TRPM6: variants seen among roughly 807,000 people sequenced by gnomAD.
The protein encoded by TRPM6 is channel kinase 2.
TRPM6 carries 111 observed loss-of-function variants against 247.6 expected under a neutral mutation model. The observed-to-expected ratio is 0.45, with a 90% CI of 0.38 to 0.52. The LOEUF is 0.52. TRPM6 is among the 20% of genes least tolerant of loss of function. TRPM6 has a pLI of 0.00. For synonymous variants in TRPM6, 892 were observed against 853.8 expected (o/e 1.04, Z -0.78); for missense variants, 2,126 against 2,421.5 (o/e 0.88, Z 2.56).
intron 37 of TRPM6, among the ~76,000 whole-genome samples, chr9:74,731,039 C>G (rs997172903): frequency 1.1e-4 from 16 of 152,160 alleles, no homozygotes; most frequent in African/African-American, 3.9e-4. Flanking sequence ...TTCAGAGATT[C>G]CAATTTGATG....
Position 74,750,690 on chromosome 9 carries a change from C to T in TRPM6, c.5031G>A (p.Arg1677=), listed in dbSNP as rs765603120. The change falls in exon 30 of 39, where the codon AGG becomes AGA. Residue 1677 remains arginine (R), a synonymous_variant. Coordinates refer to ENST00000360774, the MANE Select transcript of TRPM6 (RefSeq NM_017662.5). ...GGGAGTTCCTATTGAGGTTGGTGCT[C>T]CTGGAATTCCACAAAGAGTTTTTGC... ...DLSKNSLWNS[R]STNLNRNSLL... 4 of 1,613,818 alleles carry T rather than the reference C, an allele frequency of 2.5e-6. No individual in the cohort carries two copies. In the South Asian group the frequency reaches 4.4e-5, roughly 18 times the overall value.
chr9:74,877,307 T>C (rs1291319393), intron 1 of TRPM6, among the ~76,000 whole-genome samples: 4 of 152,014 alleles, frequency 2.6e-5, no homozygotes, highest in Admixed American at 2.6e-4. Flanking sequence ...TGTCAAAAAG[T>C]AGAAACAACA....
At chr9:74,779,985 A>C (rs898972966) in intron 23 of TRPM6, among the ~76,000 whole-genome samples, 1 of 152,008 alleles carries the variant, frequency 6.6e-6, no homozygotes, top group African/African-American at 2.4e-5. Context: ...CAGCCTGGCC[A>C]ATATGGTGAA....
chr9:74,755,166 A>G (rs367733213), intron 28 of TRPM6, among the ~76,000 whole-genome samples, 187 bp downstream of exon 28: 1 of 152,210 alleles, frequency 6.6e-6, no homozygotes, highest in Non-Finnish European at 1.5e-5. Flanking sequence ...CTTTAGACAA[A>G]CAAAATTTTG....
In TRPM6 at chr9:74,724,699, C is replaced by T. The variant is rs372715086; in HGVS notation, c.5983G>A (p.Gly1995Arg). The change falls in exon 39 of 39, where the codon GGA becomes AGA. Residue 1995 changes from glycine (G) to arginine (R), a missense_variant. By Grantham distance (125) the Gly-to-Arg change is moderately radical. Around this residue, in one of 3 missense-constraint regions of TRPM6, gnomAD observed 327 missense variants for 397.7 expected, o/e 0.82. Transcript: ENST00000360774. The part of the protein sequence containing the change: ...YSPERINSTF[G>R]LEIKIESAEE... ...GCTGATTCTATTTTTATCTCAAGTC[C>T]AAAGGTGGAATTTATCCTTTCAGGG... 1.4e-5 allele frequency: 23 copies of T among 1,614,140 alleles called. No individual in the cohort carries two copies. In the African/African-American group the frequency reaches 3.1e-4, roughly 22 times the overall value.
chr9:74,871,739 C>T (rs1564060796), intron 1 of TRPM6, among the ~76,000 whole-genome samples: 1 of 151,990 alleles, frequency 6.6e-6, no homozygotes, highest in Non-Finnish European at 1.5e-5. Context: ...GAGAGGGGGT[C>T]TCACTATATT....
intron 5 of TRPM6, among the ~76,000 whole-genome samples, chr9:74,836,874 TACC>T (rs917293168): frequency 3.9e-5 from 6 of 152,230 alleles, no homozygotes; most frequent in Admixed American, 2.6e-4. Context: ...TTCCTACCTT[TACC>T]ACAAGACCAA....
Position 74,812,444 on chromosome 9 carries a change from C to A in TRPM6, c.1309-11G>T. 2 of 1,611,482 alleles carry A rather than the reference C, an allele frequency of 1.2e-6. No homozygotes were observed. Among genetic ancestry groups the A allele is most frequent in the South Asian group, 1.1e-5 (1 of 91,016 alleles). ...TTCCAGGGCATCAGGCTTCAGAAAG[C>A]ACAAATAAGAAATATAAAGACAATT... On this transcript the variant is annotated splice_polypyrimidine_tract_variant and intron_variant, in intron 11 of 38. Transcript: ENST00000360774.
chr9:74,772,934 G>C (rs1370006933), intron 24 of TRPM6, among the ~76,000 whole-genome samples: 1 of 151,828 alleles, frequency 6.6e-6, no homozygotes, highest in Admixed American at 6.6e-5. Context: ...CTTCTTATTT[G>C]CCTATTAAAC....
Position 74,750,653 on chromosome 9 carries a change from G to C in TRPM6, c.5057+11C>G. The C allele has an allele frequency of 6.2e-7, 1 of 1,612,680 alleles. No individual in the cohort carries two copies. Reference sequence around the variant, plus strand: ...AAAGATTCTTAAACATAAACATTTAGAAATACTCACAGGGAGTTCCTATTG... The same window carrying C: ...AAAGATTCTTAAACATAAACATTTACAAATACTCACAGGGAGTTCCTATTG... On this transcript the variant is annotated intron_variant, in intron 30 of 38. Transcript: ENST00000360774.
At chr9:74,880,496 A>C (rs1178445386) in intron 1 of TRPM6, among the ~76,000 whole-genome samples, 1 of 152,206 alleles carries the variant, frequency 6.6e-6, no homozygotes, top group African/African-American at 2.4e-5. Context: ...CAAATTTCTC[A>C]ATAGAAACTT....
At chr9:74,736,853 T>C (rs1825713102) in intron 36 of TRPM6, among the ~76,000 whole-genome samples, 2 of 152,166 alleles carry the variant, frequency 1.3e-5, no homozygotes, top group Admixed American at 1.3e-4. Flanking sequence ...CTAAGAGACA[T>C]AAAAATCCCC....
At chr9:74,734,556 G>T (rs186414959) in intron 36 of TRPM6, among the ~76,000 whole-genome samples, 230 of 152,070 alleles carry the variant, frequency 1.5e-3, no homozygotes, top group African/African-American at 5.1e-3. Context: ...AATAATAATG[G>T]GCCTAATCTT....
chr9:74,884,013 G>A (rs181125600), intron 1 of TRPM6, among the ~76,000 whole-genome samples: 1 of 152,272 alleles, frequency 6.6e-6, no homozygotes, highest in East Asian at 1.9e-4. Flanking sequence ...GCTGGGCATG[G>A]TGGCACATGC....
At chr9:74,860,744 G>A (rs908708249) in intron 1 of TRPM6, among the ~76,000 whole-genome samples, 4 of 152,154 alleles carry the variant, frequency 2.6e-5, no homozygotes, top group Admixed American at 1.3e-4. Flanking sequence ...CCGGCTGAGC[G>A]CAGTGGCCAA....
rs1474254820 is a variant in TRPM6 at position 74,732,710 on chromosome 9, A to T, written c.5803T>A (p.Ser1935Thr). 6.2e-7 allele frequency: 1 copy of T among 1,609,570 alleles called. No homozygotes were observed. Among genetic ancestry groups the T allele is most frequent in the South Asian group, 1.1e-5 (1 of 89,848 alleles). ...TGTTTGACTTCAGGTTTTATAACAG[A>T]TGGATCTGTCAAATTTTCTCCAACA... ...QGVGENLTDPSVIKPEVKQSR... is the reference protein window; with the variant it reads ...QGVGENLTDPTVIKPEVKQSR... Residue 1935 changes from serine to threonine, a missense_variant, in exon 37 of 39, where the codon TCT becomes ACT. Physicochemically the swap from Ser to Thr is moderately conservative, Grantham distance 58. Transcript: ENST00000360774.
Position 74,792,782 on chromosome 9 carries a change from A to C in TRPM6, c.2392-12T>G. ...AAATCATACTCTTTCTATAAAATAA[A>C]CAAATAATCATTTTCTTGTCAGCAG... On this transcript the variant is annotated splice_polypyrimidine_tract_variant and intron_variant, in intron 18 of 38. Transcript: ENST00000360774. 1 of 1,611,214 alleles carries C rather than the reference A, an allele frequency of 6.2e-7. No homozygotes were observed. The highest frequency in any genetic ancestry group is 8.5e-7 in the Non-Finnish European group (1 of 1,177,456).
chr9:74,740,124 T>C, intron 33 of TRPM6, 115 bp from the exon 34 acceptor site: 1 of 1,183,330 alleles, frequency 8.5e-7, no homozygotes, highest in Non-Finnish European at 1.2e-6. Flanking sequence ...CAGAGGAGAA[T>C]GGGACTAGCA....
intron 5 of TRPM6, among the ~76,000 whole-genome samples, chr9:74,839,026 C>G (rs963450546): frequency 1.3e-5 from 2 of 150,406 alleles, no homozygotes; most frequent in Non-Finnish European, 2.9e-5. Flanking sequence ...AGGAGAATCG[C>G]TTGAACCTGG....
Sources: gnomAD v4.1 joint callset for allele counts (sites outside exome capture counted in the v4.1 genomes callset) on GRCh38, gnomAD v4.1.1 for gene constraint, gnomAD v4.1.1 regional missense constraint, MANE v1.5 for transcripts, NCBI Gene and HGNC (gene_info 2026-07-23, HGNC 2026-07-21) for gene names.